Variants in VEGFD observed in about 807,000 individuals in gnomAD.
The protein encoded by VEGFD is vascular endothelial growth factor D.
VEGFD carries 26 observed loss-of-function variants against 28.0 expected under a neutral mutation model. That is an observed-to-expected ratio of 0.93 (90% CI 0.68 to 1.29). The LOEUF is 1.29. Among genes scored for constraint, VEGFD ranks in the 50% most tolerant of loss-of-function variants. The probability of loss-of-function intolerance (pLI) is 0.00; values close to 1 mark genes in which losing one functional copy is unlikely to be tolerated. For synonymous variants in VEGFD, 93 were observed against 95.5 expected (o/e 0.97, Z 0.15); for missense variants, 294 against 273.4 (o/e 1.08, Z -0.53).
intron 1 of VEGFD, among the ~76,000 whole-genome samples, chrX:15,372,576 T>G: frequency 9.0e-6 from 1 of 111,166 alleles, no homozygotes; most frequent in Non-Finnish European, 1.9e-5. Flanking sequence ...GGCTGCAGCT[T>G]TGCCATCAGG....
chrX:15,347,759 A>T (rs1325409812), intron 5 of VEGFD, among the ~76,000 whole-genome samples: 1 of 111,914 alleles, frequency 8.9e-6, no homozygotes, highest in Non-Finnish European at 1.9e-5. Flanking sequence ...ACACAAAATA[A>T]TTGGTGTTGT....
rs759965258 is a variant in VEGFD at position 15,346,195 on chromosome X, G to A, written c.1003C>T (p.His335Tyr). ...CASGKTACAK[H>Y]CRFPKEKRAA... The stretch of plus-strand genomic sequence containing the variant: ...CTTTTCTCCTTTGGAAAGCGGCAAT[G>A]CTTTGCACATGCTGTTTTGCCACTT... The change falls in exon 7 of 7, where the codon CAT (histidine) becomes TAT (tyrosine). Residue 335 changes from histidine (H) to tyrosine (Y), a missense_variant. Transcript: ENST00000297904. The A allele has an allele frequency of 6.6e-6, 8 of 1,209,318 alleles. No homozygotes were observed. Among genetic ancestry groups the A allele is most frequent in the South Asian group, 1.8e-5 (1 of 56,824 alleles).
intron 1 of VEGFD, among the ~76,000 whole-genome samples, chrX:15,367,828 G>A (rs1466627432): frequency 9.2e-6 from 1 of 108,109 alleles, no homozygotes; most frequent in Non-Finnish European, 1.9e-5. Context: ...GCTGGTGCAT[G>A]CCTGTACTCC....
At position 15,347,260 on chromosome X, in the gene VEGFD, A is replaced by C. The variant is rs1392324080; in HGVS notation, c.842T>G (p.Leu281Arg). ...ACTGCAGTTTTTGGGGTGCTGGATT[A>C]GATCTTTGGGACATGGTGTTTTACA... ...CVCKTPCPKD[L>R]IQHPKNCSCF... The change falls in exon 6 of 7, where the codon CTA becomes CGA. Residue 281 changes from leucine (L) to arginine (R), a missense_variant. By Grantham distance (102) the Leu-to-Arg change is moderately radical. Transcript: ENST00000297904. The C allele has an allele frequency of 1.7e-6, 2 of 1,210,052 alleles. No individual in the cohort carries two copies. Among genetic ancestry groups the C allele is most frequent in the African/African-American group, 3.5e-5 (2 of 57,236 alleles).
In VEGFD at chrX:15,355,256, C is replaced by T; in HGVS notation, c.535G>A (p.Val179Met). The change falls in exon 4 of 7, where the codon GTG becomes ATG. Residue 179 changes from valine (V) to methionine (M), a missense_variant. Coordinates refer to ENST00000297904, the MANE Select transcript of VEGFD (RefSeq NM_004469.5). Reference protein sequence around the residue: ...SVPLTSVPELVPVKVANHTGC... With the variant: ...SVPLTSVPELMPVKVANHTGC... ...GTATGATTGGCAACTTTAACAGGCA[C>T]TAATTCAGGTACTGATGTCAAAGGC... 3 of 1,202,234 alleles carry T rather than the reference C, an allele frequency of 2.5e-6. No homozygotes were observed. The highest frequency in any genetic ancestry group is 3.4e-6 in the Non-Finnish European group (3 of 891,135).
chrX:15,358,181 T>C lies in VEGFD; in HGVS notation c.314A>G (p.Glu105Gly), dbSNP rs772977787. 4.1e-6 allele frequency: 5 copies of C among 1,205,581 alleles called. No individual in the cohort carries two copies. The African/African-American group carries it at 8.7e-5, about 21-fold the overall frequency. Residue 105 changes from glutamate to glycine, a missense_variant, in exon 3 of 7, where the codon GAA becomes GGA. Coordinates refer to ENST00000297904, the MANE Select transcript of VEGFD (RefSeq NM_004469.5). ...AGGGCTGCACTGAGTTCTTTGCCAT[T>C]CTTCATCTATAACTGCAGAGAGAAA... Reference protein sequence around the residue: ...DIETLKVIDEEWQRTQCSPRE... With the variant: ...DIETLKVIDEGWQRTQCSPRE...
At chrX:15,373,031 A>G (rs774253230) in intron 1 of VEGFD, among the ~76,000 whole-genome samples, 5 of 111,959 alleles carry the variant, frequency 4.5e-5, no homozygotes, top group African/African-American at 1.6e-4. Context: ...TGCCTCTCAA[A>G]TTCCCCAAAA....
intron 1 of VEGFD, among the ~76,000 whole-genome samples, chrX:15,379,986 G>C (rs1923530624): frequency 8.9e-6 from 1 of 112,446 alleles, no homozygotes; most frequent in Admixed American, 9.4e-5. Flanking sequence ...ATACGCTATA[G>C]TGATATAAAA....
Position 15,384,185 on chromosome X carries a change from A to G in VEGFD, c.-239T>C, listed in dbSNP as rs1923660374. 7.7e-6 allele frequency: 2 copies of G among 258,453 alleles called. No homozygotes were observed. The highest frequency in any genetic ancestry group is 1.3e-5 in the Non-Finnish European group (2 of 151,349). The allele number at this position is 258,453 out of a possible 1,213,427, so 21.3% of individuals were successfully genotyped here. ...TGAAAAAAATCAAAATGTTCTCCAA[A>G]AATAATCAGAAGGTGGACATGTCTT... On this transcript the variant is annotated 5_prime_UTR_variant, in exon 1 of 7. Transcript: ENST00000297904.
chrX:15,369,352 GAA>G (rs763079934), intron 1 of VEGFD, among the ~76,000 whole-genome samples: 7 of 105,600 alleles, frequency 6.6e-5, no homozygotes, highest in Admixed American at 2.0e-4. Context: ...AGCCTCAGGG[GAA>G]AAAAAAAACA....
intron 1 of VEGFD, among the ~76,000 whole-genome samples, chrX:15,368,133 AAG>A (rs1923224089): frequency 9.1e-6 from 1 of 109,521 alleles, no homozygotes; most frequent in Non-Finnish European, 1.9e-5. Context: ...GAGAAAGAGA[AAG>A]AAAGAAAGGA....
intron 1 of VEGFD, among the ~76,000 whole-genome samples, chrX:15,373,859 T>G (rs942326832): frequency 5.4e-5 from 6 of 111,289 alleles, no homozygotes; most frequent in Non-Finnish European, 9.4e-5. Context: ...AACCACCAAA[T>G]TTTTCCTGGT....
At chrX:15,364,633 G>A (rs1014678175) in intron 1 of VEGFD, among the ~76,000 whole-genome samples, 6 of 111,764 alleles carry the variant, frequency 5.4e-5, no homozygotes, top group African/African-American at 2.0e-4. Flanking sequence ...GTAGTTACTA[G>A]ATGTTTGTTT....
At chrX:15,370,275 GAATA>G (rs906441818) in intron 1 of VEGFD, among the ~76,000 whole-genome samples, 1 of 112,008 alleles carries the variant, frequency 8.9e-6, no homozygotes, top group African/African-American at 3.2e-5. Flanking sequence ...AGTAAGAGCT[GAATA>G]AATATTTATT....
At chrX:15,374,132 G>A (rs752126975) in intron 1 of VEGFD, among the ~76,000 whole-genome samples, 18 of 112,261 alleles carry the variant, frequency 1.6e-4, no homozygotes, top group Admixed American at 1.2e-3. Flanking sequence ...GTTCAAAACT[G>A]GCTTTGAATG....
intron 1 of VEGFD, among the ~76,000 whole-genome samples, chrX:15,379,499 G>A (rs1923516545): frequency 8.9e-6 from 1 of 111,921 alleles, no homozygotes; most frequent in Admixed American, 9.5e-5. Context: ...TAGTGTCTTG[G>A]TAGGGACTGC....
intron 1 of VEGFD, among the ~76,000 whole-genome samples, chrX:15,369,458 A>G (rs774645215): frequency 3.9e-4 from 43 of 111,353 alleles, no homozygotes; most frequent in Non-Finnish European, 7.0e-4. Context: ...ATGAGATACC[A>G]CTTCACACCC....
At chrX:15,379,933 G>C (rs1237921140) in intron 1 of VEGFD, among the ~76,000 whole-genome samples, 3 of 112,170 alleles carry the variant, frequency 2.7e-5, no homozygotes, top group Non-Finnish European at 5.6e-5. Flanking sequence ...CTATATTGAA[G>C]ATGTAAGATA....
chrX:15,370,615 T>C (rs1341661157), intron 1 of VEGFD, among the ~76,000 whole-genome samples: 1 of 111,808 alleles, frequency 8.9e-6, no homozygotes, highest in Admixed American at 9.6e-5. Flanking sequence ...AATAAATACA[T>C]ACATGTATCT....
Sources: gnomAD v4.1 joint callset for allele counts (sites outside exome capture counted in the v4.1 genomes callset) on GRCh38, gnomAD v4.1.1 for gene constraint, MANE v1.5 for transcripts, NCBI Gene and HGNC (gene_info 2026-07-23, HGNC 2026-07-21) for gene names.